The following SPATA45 variants were observed in gnomAD, a reference collection of about 807,000 sequenced individuals.
SPATA45 encodes spermatogenesis associated 45, also known as spermatogenesis-associated protein 45.
A neutral mutation model predicts 7.0 loss-of-function variants in SPATA45; 5 were observed. The ratio of observed to expected loss-of-function variants is 0.71; its 90% CI spans 0.37 to 1.50. The LOEUF is 1.50. Ranked by LOEUF, SPATA45 falls within the 40% of genes most tolerant of loss-of-function variation. SPATA45 has a pLI of 0.03. For synonymous variants in SPATA45, 40 were observed against 38.7 expected, an observed-to-expected ratio of 1.03 and a Z score of -0.13; for missense variants, 111 against 114.9, an observed-to-expected ratio of 0.97 and a Z score of 0.16.
At chr1:212,836,624 C>A (rs1350734021) in intron 1 of SPATA45, among the ~76,000 whole-genome samples, 4 of 151,420 alleles carry the variant, frequency 2.6e-5, no homozygotes, top group Non-Finnish European at 5.9e-5. Context: ...AGCCACTGTG[C>A]CCGGACAGCA....
At position 212,835,985 on chromosome 1, in the gene SPATA45, AT is replaced by A; in HGVS notation, c.164del (p.Tyr55PhefsTer24). On this transcript the variant is annotated frameshift_variant, in exon 2 of 3. Coordinates refer to ENST00000332912, the MANE Select transcript of SPATA45 (RefSeq NM_001024601.3). LOFTEE classifies it high-confidence loss of function. ...TGGTTGTGGTATCAGTAAAGGACTG[AT>A]AGGCATCCGGGAAGTGCCTCTTTTG... is the stretch of plus-strand genomic sequence containing the variant. ...RVQKRHFPDA[Y>X]QSFTDTTTKE... 6.2e-7 allele frequency: 1 copy of A among 1,611,050 alleles called. No individual in the cohort carries two copies.
chr1:212,839,617 CAAAA>C (rs35037485), intron 1 of SPATA45, among the ~76,000 whole-genome samples: 1 of 137,888 alleles, frequency 7.3e-6, no homozygotes, highest in Admixed American at 7.6e-5. Flanking sequence ...GACCCTATGT[CAAAA>C]AAAAAAAAAA....
rs199770487 is a variant in SPATA45 at position 212,836,015 on chromosome 1, T to C, written c.135A>G (p.Arg45=). Residue 45 remains arginine (R), a synonymous_variant, in exon 2 of 3, where the codon AGA becomes AGG. Transcript: ENST00000332912. The part of the protein sequence containing the change: ...VERSNQVSLL[R]VQKRHFPDAY... ...CATCCGGGAAGTGCCTCTTTTGAACTCTCAGTAAGCTGACTTGATTGCTTC... is the reference window on the plus strand; with the variant it reads ...CATCCGGGAAGTGCCTCTTTTGAACCCTCAGTAAGCTGACTTGATTGCTTC... 5 of 1,611,484 alleles carry C rather than the reference T, an allele frequency of 3.1e-6. No individual in the cohort carries two copies. Among genetic ancestry groups the C allele is most frequent in the Non-Finnish European group, 4.2e-6 (5 of 1,178,088 alleles).
At chr1:212,835,487 C>T (rs560350621) in intron 2 of SPATA45, among the ~76,000 whole-genome samples, 2 of 151,580 alleles carry the variant, frequency 1.3e-5, no homozygotes, top group East Asian at 3.9e-4. Flanking sequence ...CGTGCCATTG[C>T]ACTCCAGCCT....
chr1:212,840,853 C>T (rs1187728296), intron 1 of SPATA45, among the ~76,000 whole-genome samples: 1 of 152,064 alleles, frequency 6.6e-6, no homozygotes, highest in Non-Finnish European at 1.5e-5. Flanking sequence ...CTCCTGACCT[C>T]TTGATCTGCC....
intron 1 of SPATA45, among the ~76,000 whole-genome samples, chr1:212,841,721 T>A (rs1663689326): frequency 6.8e-6 from 1 of 146,306 alleles, no homozygotes; most frequent in Admixed American, 7.2e-5. Flanking sequence ...TAAAATAAAA[T>A]AATAAAAAAT....
intron 1 of SPATA45, among the ~76,000 whole-genome samples, chr1:212,843,729 T>C (rs1663737950): frequency 6.6e-6 from 1 of 152,168 alleles, no homozygotes; most frequent in Non-Finnish European, 1.5e-5. Context: ...AACAGGCCAA[T>C]TCCAACTGCT....
At chr1:212,836,283 A>G (rs1663583181) in intron 1 of SPATA45, 96 bp from the exon 2 acceptor site, 5 of 938,508 alleles carry the variant, frequency 5.3e-6, no homozygotes. Flanking sequence ...GCCTTCTATA[A>G]AATAACACCA....
chr1:212,839,957 T>G (rs1474156183), intron 1 of SPATA45, among the ~76,000 whole-genome samples: 1 of 151,710 alleles, frequency 6.6e-6, no homozygotes, highest in East Asian at 1.9e-4. Flanking sequence ...AATGAATGAA[T>G]AAATAGTATA....
chr1:212,845,028 C>T (rs1462315289), intron 1 of SPATA45, among the ~76,000 whole-genome samples: 1 of 152,180 alleles, frequency 6.6e-6, no homozygotes, highest in Non-Finnish European at 1.5e-5. Context: ...GAAACTTCCA[C>T]CTATCAATCT....
chr1:212,835,004 T>C (rs1663562773), intron 2 of SPATA45, among the ~76,000 whole-genome samples: 1 of 151,532 alleles, frequency 6.6e-6, no homozygotes, highest in African/African-American at 2.4e-5. Flanking sequence ...GTCTACTGAA[T>C]GAGATGGCCT....
chr1:212,838,753 G>C (rs904111519), intron 1 of SPATA45, among the ~76,000 whole-genome samples: 1 of 151,572 alleles, frequency 6.6e-6, no homozygotes, highest in Admixed American at 6.6e-5. Flanking sequence ...CCAGGCTAGA[G>C]TGAAGTGGCG....
chr1:212,831,997 T>C (rs547984516), intron 2 of SPATA45, among the ~76,000 whole-genome samples: 1 of 148,030 alleles, frequency 6.8e-6, no homozygotes, highest in South Asian at 2.2e-4. Context: ...TATCACTATC[T>C]GATCGGACAT....
chr1:212,844,623 G>T (rs527851616), intron 1 of SPATA45, among the ~76,000 whole-genome samples: 160 of 152,062 alleles, frequency 1.1e-3, no homozygotes, highest in Non-Finnish European at 1.8e-3. Context: ...CTACTGCTCT[G>T]CCCCCCTCCA....
In SPATA45 at chr1:212,832,015, C is replaced by CCT. The variant is rs777159076; in HGVS notation, c.278-1755_278-1754insAG. 1.6e-4 allele frequency among the ~76,000 whole-genome samples: 15 copies of CCT among 93,594 alleles called. No individual in the cohort carries two copies. In the South Asian group the frequency reaches 5.2e-3, roughly 33 times the overall value. 61.4% of individuals were successfully genotyped at this position (93,594 alleles called of 152,430 possible). On this transcript the variant is annotated intron_variant, in intron 2 of 2. Transcript: ENST00000332912. ...CACTATCTGATCGGACATTTACTTC[C>CCT]TTTTTTTTTTTTTTTTTTTTGAGAC...
chr1:212,841,911 C>G (rs1663694502), intron 1 of SPATA45, among the ~76,000 whole-genome samples: 2 of 151,652 alleles, frequency 1.3e-5, no homozygotes, highest in South Asian at 2.1e-4. Context: ...GTGTGCACCA[C>G]CATGCCCAGC....
chr1:212,830,302 A>T, intron 2 of SPATA45, 41 bp from the exon 3 acceptor site: 2 of 1,197,042 alleles, frequency 1.7e-6, no homozygotes, highest in Non-Finnish European at 2.4e-6. Context: ...TATATAACTT[A>T]TAACACATTT....
intron 1 of SPATA45, among the ~76,000 whole-genome samples, chr1:212,844,737 C>G (rs1174370517): frequency 1.3e-5 from 2 of 152,186 alleles, no homozygotes; most frequent in Non-Finnish European, 2.9e-5. Context: ...CTTCCATATC[C>G]TGCACCACCA....
chr1:212,833,249 G>C lies in SPATA45; in HGVS notation c.277+2624C>G, dbSNP rs1438577589. On this transcript the variant is annotated intron_variant, in intron 2 of 2. Transcript: ENST00000332912. The stretch of plus-strand genomic sequence containing the variant: ...CTCTTTTACCTTTCTTTCCCTTGGG[G>C]TTCCTAAAGTCCATTATATAATTCC... Among the ~76,000 whole-genome samples, 3 of 151,406 alleles carry C rather than the reference G, an allele frequency of 2.0e-5. No homozygotes were observed. In the East Asian group the frequency reaches 5.8e-4, roughly 29 times the overall value.
Sources: gnomAD v4.1 joint callset for allele counts (sites outside exome capture counted in the v4.1 genomes callset) on GRCh38, gnomAD v4.1.1 for gene constraint, MANE v1.5 for transcripts, NCBI Gene and HGNC (gene_info 2026-07-23, HGNC 2026-07-21) for gene names.